CNTN6: variants seen among roughly 807,000 people sequenced by gnomAD.
CNTN6 encodes the protein contactin-6.
CNTN6 carries 137 observed loss-of-function variants against 122.8 expected under a neutral mutation model. The observed-to-expected ratio is 1.12, with a 90% CI of 0.97 to 1.29. CNTN6 has a LOEUF of 1.29. Ranked by LOEUF, CNTN6 falls within the 50% of genes most tolerant of loss-of-function variation. CNTN6 has a pLI of 0.00. For synonymous variants in CNTN6, 570 were observed against 426.0 expected, an observed-to-expected ratio of 1.34 and a Z score of -4.16; for missense variants, 1,634 against 1,223.4, an observed-to-expected ratio of 1.34 and a Z score of -5.01.
chr3:1,182,711 T>A (rs940156470), intron 2 of CNTN6, among the ~76,000 whole-genome samples: 1 of 152,108 alleles, frequency 6.6e-6, no homozygotes, highest in Non-Finnish European at 1.5e-5. Flanking sequence ...AGAAAATTGA[T>A]GAAACATGCC....
chr3:1,266,977 GAC>G (rs1179440017), intron 4 of CNTN6, among the ~76,000 whole-genome samples: 1 of 119,096 alleles, frequency 8.4e-6, no homozygotes, highest in Non-Finnish European at 1.7e-5. Context: ...TTTTTTTGGA[GAC>G]AGAGTCTCTC....
chr3:1,126,417 T>C (rs2092160891), intron 1 of CNTN6, among the ~76,000 whole-genome samples: 1 of 151,950 alleles, frequency 6.6e-6, no homozygotes, highest in African/African-American at 2.4e-5. Context: ...ATGTTCAGTT[T>C]GACCTTTTCC....
chr3:1,279,373 A>G (rs572706768), intron 5 of CNTN6, among the ~76,000 whole-genome samples: 1 of 28,992 alleles, frequency 3.4e-5, no homozygotes, highest in South Asian at 7.9e-4. Flanking sequence ...GTACAAACCA[A>G]TATCACACTA....
At chr3:1,118,126 C>G (rs1243153201) in intron 1 of CNTN6, among the ~76,000 whole-genome samples, 1 of 152,132 alleles carries the variant, frequency 6.6e-6, no homozygotes, top group Non-Finnish European at 1.5e-5. Context: ...AAATATGTAA[C>G]TCTGCTGCGG....
At chr3:1,363,289 A>G (rs1406870010) in intron 12 of CNTN6, among the ~76,000 whole-genome samples, 1 of 151,860 alleles carries the variant, frequency 6.6e-6, no homozygotes, top group African/African-American at 2.4e-5. Flanking sequence ...TATACAATAC[A>G]GTATTTATGA....
chr3:1,201,408 T>A (rs1575212511), intron 2 of CNTN6, among the ~76,000 whole-genome samples: 1 of 152,186 alleles, frequency 6.6e-6, no homozygotes, highest in Non-Finnish European at 1.5e-5. Flanking sequence ...TTTTTTCTCA[T>A]GGAGTTTTGT....
intron 1 of CNTN6, among the ~76,000 whole-genome samples, chr3:1,098,812 ATATATAGT>A (rs1324995513): frequency 2.4e-4 from 33 of 138,272 alleles, no homozygotes; most frequent in African/African-American, 8.4e-4. Flanking sequence ...ATATATATAT[ATATATAGT>A]GGGAAATTTT....
chr3:1,372,574 A>G (rs1241763433), intron 13 of CNTN6, 100 bp downstream of exon 13: 1 of 1,011,796 alleles, frequency 9.9e-7, no homozygotes, highest in South Asian at 1.8e-5. Flanking sequence ...ATTTGCATGG[A>G]TAATCACTGA....
intron 7 of CNTN6, among the ~76,000 whole-genome samples, chr3:1,300,077 C>T (rs866543636): frequency 6.6e-5 from 10 of 151,898 alleles, no homozygotes; most frequent in East Asian, 1.9e-4. Context: ...CCCGGGTTCC[C>T]GCCATTCTCC....
At chr3:1,158,567 C>T (rs887235082) in intron 2 of CNTN6, among the ~76,000 whole-genome samples, 7 of 147,352 alleles carry the variant, frequency 4.8e-5, no homozygotes, top group African/African-American at 1.7e-4. Context: ...TGTTTCTTGA[C>T]ACAGACTCAA....
chr3:1,322,213 AG>A (rs1336884576), intron 8 of CNTN6, among the ~76,000 whole-genome samples: 1 of 151,776 alleles, frequency 6.6e-6, no homozygotes, highest in African/African-American at 2.4e-5. Flanking sequence ...AAAAATTGAT[AG>A]GAAAAATATA....
intron 7 of CNTN6, among the ~76,000 whole-genome samples, chr3:1,320,507 A>G (rs796377779): frequency 2.0e-5 from 3 of 151,816 alleles, no homozygotes; most frequent in Admixed American, 6.6e-5. Context: ...AGCCTCCCAC[A>G]TTCCTTCTGC....
At chr3:1,310,759 T>G (rs973332594) in intron 7 of CNTN6, among the ~76,000 whole-genome samples, 26 of 152,124 alleles carry the variant, frequency 1.7e-4, no homozygotes, top group African/African-American at 6.3e-4. Context: ...CCCAGGACTT[T>G]GGGAGGCTGA....
intron 4 of CNTN6, among the ~76,000 whole-genome samples, chr3:1,245,305 T>TAAC (rs1192618728): frequency 0.078 from 826 of 10,574 alleles, 195 homozygotes; most frequent in African/African-American, 0.18. Context: ...CATATATATA[T>TAAC]ATATATATAT....
chr3:1,376,722 C>T (rs191807566), intron 16 of CNTN6, among the ~76,000 whole-genome samples: 57 of 152,212 alleles, frequency 3.7e-4, no homozygotes, highest in African/African-American at 1.3e-3. Context: ...AATGGAACAT[C>T]ATTTTGCCAA....
intron 2 of CNTN6, among the ~76,000 whole-genome samples, chr3:1,161,246 G>A (rs6774815): frequency 0.15 from 16,104 of 106,564 alleles, 958 homozygotes; most frequent in Non-Finnish European, 0.17. Flanking sequence ...AATGATATAT[G>A]ATTATATATA....
chr3:1,234,073 T>G (rs1288246549), intron 4 of CNTN6, among the ~76,000 whole-genome samples: 3 of 152,184 alleles, frequency 2.0e-5, no homozygotes, highest in Non-Finnish European at 4.4e-5. Context: ...TCTATACCTG[T>G]AAGCTATTCT....
intron 2 of CNTN6, among the ~76,000 whole-genome samples, chr3:1,204,572 TG>T (rs532861697): frequency 6.6e-5 from 10 of 151,534 alleles, no homozygotes; most frequent in African/African-American, 2.4e-4. Context: ...CCCTTCTCTT[TG>T]CTGTCTGACT....
At chr3:1,348,042 C>G (rs980535287) in intron 11 of CNTN6, among the ~76,000 whole-genome samples, 2 of 151,078 alleles carry the variant, frequency 1.3e-5, no homozygotes, top group African/African-American at 4.9e-5. Flanking sequence ...CATTGAAAGC[C>G]TACCTATTGA....
Sources: allele counts gnomAD v4.1 joint callset (sites outside exome capture counted in the v4.1 genomes callset), GRCh38; gene constraint gnomAD v4.1.1; transcripts MANE v1.5; gene names NCBI Gene and HGNC (gene_info 2026-07-23, HGNC 2026-07-21).